Variants in TRAPPC9 observed in about 807,000 individuals in gnomAD.
TRAPPC9 encodes trafficking protein particle complex subunit 9.
Under a neutral mutation model 124.0 loss-of-function variants are expected in TRAPPC9, and 83 were observed. That is an observed-to-expected ratio of 0.67 (90% CI 0.56 to 0.80). The LOEUF is 0.80. Ranked by LOEUF, TRAPPC9 falls within the 30% of genes least tolerant of loss-of-function variation. The pLI is 0.00. For missense variants in TRAPPC9, 1,302 were observed against 1,508.3 expected (o/e 0.86, Z 2.27); for synonymous variants, 638 against 617.5 (o/e 1.03, Z -0.49).
chr8:140,328,547 G>T (rs544088101), intron 9 of TRAPPC9, among the ~76,000 whole-genome samples: 3 of 151,984 alleles, frequency 2.0e-5, no homozygotes, highest in Non-Finnish European at 4.4e-5. Context: ...AGGATGCAAA[G>T]GCACAAGAAT....
At chr8:139,790,421 G>A (rs1019128172) in intron 21 of TRAPPC9, among the ~76,000 whole-genome samples, 5 of 152,200 alleles carry the variant, frequency 3.3e-5, no homozygotes, top group African/African-American at 4.8e-5. Context: ...ACGGACAAGC[G>A]TGGGGTATGG....
At chr8:140,105,476 A>G (rs2060646988) in intron 17 of TRAPPC9, among the ~76,000 whole-genome samples, 1 of 152,174 alleles carries the variant, frequency 6.6e-6, no homozygotes, top group African/African-American at 2.4e-5. Flanking sequence ...GAGAGAAAAA[A>G]ATAACTATAC....
chr8:139,854,662 C>G (rs758561994), intron 21 of TRAPPC9, among the ~76,000 whole-genome samples: 8 of 152,254 alleles, frequency 5.3e-5, no homozygotes, highest in Admixed American at 1.3e-4. Flanking sequence ...CTCGGCATCA[C>G]GCCTGCACAC....
intron 5 of TRAPPC9, among the ~76,000 whole-genome samples, chr8:140,408,964 C>T (rs974688361): frequency 1.3e-5 from 2 of 152,084 alleles, no homozygotes; most frequent in African/African-American, 4.8e-5. Context: ...ATCACACAAA[C>T]CTAAACGCAA....
At chr8:139,793,874 A>G (rs1254272129) in intron 21 of TRAPPC9, among the ~76,000 whole-genome samples, 1 of 152,146 alleles carries the variant, frequency 6.6e-6, no homozygotes, top group African/African-American at 2.4e-5. Flanking sequence ...AATAAAATGG[A>G]AAGTCTCTCC....
intron 6 of TRAPPC9, among the ~76,000 whole-genome samples, chr8:140,400,580 T>C (rs1318677835): frequency 6.6e-6 from 1 of 152,224 alleles, no homozygotes; most frequent in Non-Finnish European, 1.5e-5. Context: ...GTTCCTATTA[T>C]GGTTCCTGAG....
intron 17 of TRAPPC9, among the ~76,000 whole-genome samples, chr8:140,094,464 C>G (rs917219310): frequency 3.3e-5 from 5 of 152,312 alleles, no homozygotes; most frequent in Middle Eastern, 3.4e-3. Context: ...CACCACCACC[C>G]AGAGGCTGCC....
rs542408196 is a variant in TRAPPC9 at position 139,730,096 on chromosome 8, G to A, written c.*965C>T. On this transcript the variant is annotated 3_prime_UTR_variant, in exon 23 of 23. Coordinates refer to ENST00000438773, the MANE Select transcript of TRAPPC9 (RefSeq NM_001160372.4). ...CGCAGGGCCAGCTGCCCACTGTGGC[G>A]GCAGCTCGGGCCCAGTCACACTCCT... 3.3e-5 allele frequency among the ~76,000 whole-genome samples: 5 copies of A among 152,250 alleles called. No homozygotes were observed. The highest frequency in any genetic ancestry group is 1.9e-4 in the East Asian group (1 of 5,162).
Position 139,886,100 on chromosome 8 carries a change from G to A in TRAPPC9, c.2965-131C>T, listed in dbSNP as rs563891949. ...ATGTCTCCCCTCTTCTGAAGGGACT[G>A]TCTAACCAACCACTATGACATCACC... On this transcript the variant is annotated intron_variant, in intron 20 of 22. Coordinates refer to ENST00000438773, the MANE Select transcript of TRAPPC9 (RefSeq NM_001160372.4). 12 of 844,984 alleles carry A rather than the reference G, an allele frequency of 1.4e-5. 1 individual carries two copies. Among genetic ancestry groups the A allele is most frequent in the Middle Eastern group, 2.3e-4 (1 of 4,364 alleles). The allele number at this position is 844,984 out of a possible 1,614,324, so 52.3% of individuals were successfully genotyped here. A position where few individuals can be genotyped will look rare whatever the true frequency, so the allele number is the denominator to read the frequency against.
intron 20 of TRAPPC9, among the ~76,000 whole-genome samples, chr8:139,895,218 T>C (rs1450865228): frequency 6.6e-6 from 1 of 152,166 alleles, no homozygotes; most frequent in African/African-American, 2.4e-5. Flanking sequence ...AAAGCATCCC[T>C]GTTGACGAGG....
At chr8:140,230,786 GA>G (rs35080590) in intron 16 of TRAPPC9, among the ~76,000 whole-genome samples, 100,507 of 151,462 alleles carry the variant, frequency 0.66, 33,738 homozygotes, top group Admixed American at 0.73. Context: ...CAAAAAAAAA[GA>G]AAAAAAAAGT....
chr8:140,283,490 G>A (rs965795229), intron 14 of TRAPPC9, among the ~76,000 whole-genome samples: 5 of 150,552 alleles, frequency 3.3e-5, no homozygotes, highest in African/African-American at 1.2e-4. Flanking sequence ...GTAGAGACGG[G>A]GTTTCACCGT....
Position 140,261,670 on chromosome 8 carries a change from A to G in TRAPPC9, c.2279-8741T>C, listed in dbSNP as rs547319368. ...GTATCAGGAGTGTACAACTAAATTC[A>G]AAAACTATAATTATAGCACTATTCT... is the stretch of plus-strand genomic sequence containing the variant. On this transcript the variant is annotated intron_variant, in intron 15 of 22. Transcript: ENST00000438773. Among the ~76,000 whole-genome samples, 62 of 152,320 alleles carry G rather than the reference A, an allele frequency of 4.1e-4. 1 individual carries two copies. Among genetic ancestry groups the G allele is most frequent in the Middle Eastern group, 6.8e-3 (2 of 294 alleles).
At chr8:139,785,263 A>G (rs1563811069) in intron 21 of TRAPPC9, among the ~76,000 whole-genome samples, 1 of 152,216 alleles carries the variant, frequency 6.6e-6, no homozygotes, top group Non-Finnish European at 1.5e-5. Context: ...TATTCTGTAA[A>G]AAATTAACTC....
chr8:139,879,531 AG>A (rs1829550528), intron 21 of TRAPPC9, among the ~76,000 whole-genome samples: 1 of 151,964 alleles, frequency 6.6e-6, no homozygotes, highest in Admixed American at 6.5e-5. Context: ...CCTAACTGAG[AG>A]CTCCCTCCTC....
intron 21 of TRAPPC9, among the ~76,000 whole-genome samples, chr8:139,861,389 G>A (rs987194240): frequency 6.6e-6 from 1 of 152,166 alleles, no homozygotes; most frequent in Non-Finnish European, 1.5e-5. Flanking sequence ...TGGTGGGAAG[G>A]ACACTTAGGA....
rs1049539294 is a variant in TRAPPC9, at chr8:139,729,315, C to A, written c.*1746G>T. On this transcript the variant is annotated 3_prime_UTR_variant, in exon 23 of 23. Transcript: ENST00000438773. Reference sequence around the variant, plus strand: ...TGCAATGTGTTGTTTCATTCAATGGCGTATTTTTGGGCTCTGTTGAGGTTG... The same window carrying A: ...TGCAATGTGTTGTTTCATTCAATGGAGTATTTTTGGGCTCTGTTGAGGTTG... Among the ~76,000 whole-genome samples, 1 of 152,370 alleles carries A rather than the reference C, an allele frequency of 6.6e-6. No individual in the cohort carries two copies. Among genetic ancestry groups the A allele is most frequent in the African/African-American group, 2.4e-5 (1 of 41,578 alleles).
At chr8:140,002,808 C>T (rs1587466080) in intron 18 of TRAPPC9, among the ~76,000 whole-genome samples, 2 of 94,718 alleles carry the variant, frequency 2.1e-5, no homozygotes, top group Non-Finnish European at 3.9e-5. Flanking sequence ...ATAATCCATT[C>T]AACAAATAGT....
intron 17 of TRAPPC9, among the ~76,000 whole-genome samples, chr8:140,156,718 T>C (rs1327414889): frequency 6.6e-6 from 1 of 152,098 alleles, no homozygotes; most frequent in Non-Finnish European, 1.5e-5. Flanking sequence ...TGTTTCTAAG[T>C]TACAACCATG....
Sources: allele counts gnomAD v4.1 joint callset (sites outside exome capture counted in the v4.1 genomes callset), GRCh38; gene constraint gnomAD v4.1.1; transcripts MANE v1.5; gene names NCBI Gene and HGNC (gene_info 2026-07-23, HGNC 2026-07-21).